The following C14orf132 variants were observed in gnomAD, a reference collection of about 807,000 sequenced individuals.
The protein encoded by C14orf132 is chromosome 14 open reading frame 132.
In C14orf132, 6 loss-of-function variants were observed where a neutral mutation model predicts 5.8. The observed-to-expected ratio is 1.03, with a 90% CI of 0.57 to 2.04. The LOEUF (loss-of-function observed/expected upper bound fraction) is 2.04, where lower values mean the gene tolerates loss of function less well. C14orf132 is among the 30% of genes most tolerant of loss of function. The probability of loss-of-function intolerance (pLI) is 0.00; values close to 1 mark genes in which losing one functional copy is unlikely to be tolerated. For missense variants in C14orf132, 125 were observed against 115.8 expected (o/e 1.08, Z -0.37); for synonymous variants, 51 against 49.8 (o/e 1.02, Z -0.10).
chr14:96,057,169 G>A (rs1222110775), intron 1 of C14orf132, among the ~76,000 whole-genome samples: 3 of 152,172 alleles, frequency 2.0e-5, no homozygotes, highest in Non-Finnish European at 4.4e-5. Flanking sequence ...GGGCTTTTAG[G>A]AAGTGATTAG....
intron 1 of C14orf132, among the ~76,000 whole-genome samples, chr14:96,081,725 A>G (rs930382682): frequency 3.3e-5 from 5 of 152,004 alleles, no homozygotes; most frequent in Admixed American, 2.6e-4. Flanking sequence ...CAACCTCCCT[A>G]GTAGCTGGGA....
At position 96,093,311 on chromosome 14, in the gene C14orf132, TGGGACCTCCA is replaced by T. The variant is rs1450751984; in HGVS notation, c.*6584_*6593del. On this transcript the variant is annotated 3_prime_UTR_variant, in exon 2 of 2. Transcript: ENST00000555004. ...TTCCCTACCCTTAACTTTGTGTCTCTGGGACCTCCAGGGACCTGGCCCCTCACCAATGCAT... is the reference window on the plus strand; with the variant it reads ...TTCCCTACCCTTAACTTTGTGTCTCTGGGACCTGGCCCCTCACCAATGCAT... 1 of 152,198 alleles carries T rather than the reference TGGGACCTCCA, an allele frequency of 6.6e-6. No homozygotes were observed. Among genetic ancestry groups the T allele is most frequent in the Non-Finnish European group, 1.5e-5 (1 of 68,032 alleles). 9.4% of individuals were successfully genotyped at this position (152,198 alleles called of 1,614,324 possible).
chr14:96,081,875 C>A (rs920283057), intron 1 of C14orf132, among the ~76,000 whole-genome samples: 1 of 152,176 alleles, frequency 6.6e-6, no homozygotes, highest in Non-Finnish European at 1.5e-5. Flanking sequence ...GCTGGGATTA[C>A]AGGCATGAGT....
chr14:96,063,056 T>C (rs1353883419), intron 1 of C14orf132, among the ~76,000 whole-genome samples: 2 of 152,126 alleles, frequency 1.3e-5, no homozygotes, highest in Non-Finnish European at 2.9e-5. Flanking sequence ...TTTTTTCATC[T>C]GATGCTTTTA....
intron 1 of C14orf132, among the ~76,000 whole-genome samples, chr14:96,054,601 A>G (rs750493735): frequency 6.6e-6 from 1 of 152,184 alleles, no homozygotes; most frequent in Non-Finnish European, 1.5e-5. Flanking sequence ...GTGAATGAGA[A>G]AGAACAAACT....
At chr14:96,072,531 T>A (rs1887744965) in intron 1 of C14orf132, among the ~76,000 whole-genome samples, 1 of 152,226 alleles carries the variant, frequency 6.6e-6, no homozygotes, top group South Asian at 2.1e-4. Flanking sequence ...AAAATTGTTT[T>A]GGTGGAGGGG....
intron 1 of C14orf132, among the ~76,000 whole-genome samples, chr14:96,044,393 A>G (rs968235738): frequency 1.3e-5 from 2 of 152,202 alleles, no homozygotes; most frequent in Admixed American, 6.5e-5. Flanking sequence ...TTGCCCAGGC[A>G]GGTCTAGAGC....
At chr14:96,059,411 C>T (rs1595175558) in intron 1 of C14orf132, among the ~76,000 whole-genome samples, 1 of 152,208 alleles carries the variant, frequency 6.6e-6, no homozygotes, top group Non-Finnish European at 1.5e-5. Context: ...ATTGAGCACT[C>T]ATGAAGGGCC....
rs1411738805 is a variant in C14orf132 at position 96,088,099 on chromosome 14, C to G, written c.*1364C>G. On this transcript the variant is annotated 3_prime_UTR_variant, in exon 2 of 2. Transcript: ENST00000555004. Reference sequence around the variant, plus strand: ...AAACAGAAGAATTGTGTCAATAACACCCTCTGTAGTGGAGAAACTTAAAAA... The same window carrying G: ...AAACAGAAGAATTGTGTCAATAACAGCCTCTGTAGTGGAGAAACTTAAAAA... 1 of 152,186 alleles carries G rather than the reference C, an allele frequency of 6.6e-6. No homozygotes were observed. The highest frequency in any genetic ancestry group is 1.5e-5 in the Non-Finnish European group (1 of 68,052). 9.4% of individuals were successfully genotyped at this position (152,186 alleles called of 1,614,324 possible). A position where few individuals can be genotyped will look rare whatever the true frequency, so the allele number is the denominator to read the frequency against.
intron 1 of C14orf132, among the ~76,000 whole-genome samples, chr14:96,048,778 G>T (rs550133719): frequency 6.6e-6 from 1 of 151,944 alleles, no homozygotes; most frequent in Non-Finnish European, 1.5e-5. Flanking sequence ...TGCCTGCCTC[G>T]GCCTCCCAAA....
intron 1 of C14orf132, among the ~76,000 whole-genome samples, chr14:96,065,654 C>T (rs28451054): frequency 0.03 from 4,627 of 151,924 alleles, 249 homozygotes; most frequent in African/African-American, 0.11. Context: ...GCCTGACCCC[C>T]TCCACCCCCA....
At chr14:96,048,932 C>G (rs1214739115) in intron 1 of C14orf132, among the ~76,000 whole-genome samples, 6 of 152,024 alleles carry the variant, frequency 3.9e-5, no homozygotes, top group Admixed American at 3.9e-4. Context: ...CAAGTTTTTG[C>G]TTTTCTTTTT....
chr14:96,056,185 C>A (rs1163218370), intron 1 of C14orf132, among the ~76,000 whole-genome samples: 1 of 152,212 alleles, frequency 6.6e-6, no homozygotes, highest in Non-Finnish European at 1.5e-5. Context: ...AAAAGCAAGA[C>A]AATTTGCAAG....
rs33947260 is a variant in C14orf132, at chr14:96,074,866, G to GT, written c.28-11641dup. On this transcript the variant is annotated intron_variant, in intron 1 of 1. Transcript: ENST00000555004. ...ACAGTAGCATGAGTTCACCAAATTTGTTTTCTTTTTCAAAATTGTTTTGAT... is the reference window on the plus strand; with the variant it reads ...ACAGTAGCATGAGTTCACCAAATTTGTTTTTCTTTTTCAAAATTGTTTTGAT... Among the ~76,000 whole-genome samples the GT allele has an allele frequency of 1.6e-3, 241 of 150,520 alleles. 2 individuals carry two copies. The highest frequency in any genetic ancestry group is 0.015 in the East Asian group (77 of 5,102).
chr14:96,076,771 AT>A (rs1284311075), intron 1 of C14orf132, among the ~76,000 whole-genome samples: 2 of 152,244 alleles, frequency 1.3e-5, no homozygotes, highest in Admixed American at 6.5e-5. Context: ...CTTTTCTCAT[AT>A]AAACAATTAG....
At chr14:96,081,429 C>T (rs571764773) in intron 1 of C14orf132, among the ~76,000 whole-genome samples, 8 of 152,276 alleles carry the variant, frequency 5.3e-5, no homozygotes, top group African/African-American at 1.7e-4. Context: ...AATCTCATCA[C>T]GCCCTCAGGA....
rs1888396658 is a variant in C14orf132, at chr14:96,091,272, T to C, written c.*4537T>C. ...TGGTCCTGAAGAGCTTATAGCCAGA[T>C]TGCCACATTCAAGTGTAAGTCCAGG... is the stretch of plus-strand genomic sequence containing the variant. On this transcript the variant is annotated 3_prime_UTR_variant, in exon 2 of 2. Transcript: ENST00000555004. 1.2e-5 allele frequency: 4 copies of C among 345,746 alleles called. No individual in the cohort carries two copies. The highest frequency in any genetic ancestry group is 2.3e-5 in the Non-Finnish European group (4 of 177,376). The allele number at this position is 345,746 out of a possible 1,614,324, so 21.4% of individuals were successfully genotyped here. A position where few individuals can be genotyped will look rare whatever the true frequency, so the allele number is the denominator to read the frequency against.
At chr14:96,044,090 G>C (rs1886768637) in intron 1 of C14orf132, among the ~76,000 whole-genome samples, 1 of 152,252 alleles carries the variant, frequency 6.6e-6, no homozygotes, top group African/African-American at 2.4e-5. Flanking sequence ...CAAGAGCTGG[G>C]GGGGCCAGGG....
chr14:96,083,162 C>T (rs1888080535), intron 1 of C14orf132, among the ~76,000 whole-genome samples: 1 of 152,194 alleles, frequency 6.6e-6, no homozygotes, highest in Admixed American at 6.5e-5. Context: ...GTGGGGAGCC[C>T]TTCTGCTGAT....
Sources: gnomAD v4.1 joint callset for allele counts (sites outside exome capture counted in the v4.1 genomes callset) on GRCh38, gnomAD v4.1.1 for gene constraint, MANE v1.5 for transcripts, NCBI Gene and HGNC (gene_info 2026-07-23, HGNC 2026-07-21) for gene names.